STRIP2: variants seen among roughly 807,000 people sequenced by gnomAD.
STRIP2 encodes the protein striatin interacting protein 2.
A neutral mutation model predicts 107.1 loss-of-function variants in STRIP2; 84 were observed. The ratio of observed to expected loss-of-function variants is 0.78; its 90% CI spans 0.66 to 0.94. The LOEUF is 0.94. STRIP2 is among the 40% of genes least tolerant of loss of function. STRIP2 has a pLI of 0.00. For synonymous variants in STRIP2, 394 were observed against 400.4 expected, an observed-to-expected ratio of 0.98 and a Z score of 0.19; for missense variants, 888 against 1,034.2, an observed-to-expected ratio of 0.86 and a Z score of 1.94.
rs1445643370 is a variant in STRIP2, at chr7:129,486,799, C to T, written c.*970C>T. On this transcript the variant is annotated 3_prime_UTR_variant, in exon 21 of 21. Transcript: ENST00000249344. The stretch of plus-strand genomic sequence containing the variant: ...CAGTGTTGATTAATGATTTTTTTCC[C>T]GTTTATTGCTAGCAGTTTCAAAGTG... 3 of 151,974 alleles carry T rather than the reference C, an allele frequency of 2.0e-5. No individual in the cohort carries two copies. Among genetic ancestry groups the T allele is most frequent in the Admixed American group, 6.6e-5 (1 of 15,266 alleles). 9.4% of individuals were successfully genotyped at this position (151,974 alleles called of 1,614,324 possible). A position where few individuals can be genotyped will look rare whatever the true frequency, so the allele number is the denominator to read the frequency against.
rs1798527501 is a variant in STRIP2, at chr7:129,461,320, T to G, written c.1476+948T>G. Among the ~76,000 whole-genome samples, 1 of 152,156 alleles carries G rather than the reference T, an allele frequency of 6.6e-6. No homozygotes were observed. Among genetic ancestry groups the G allele is most frequent in the Non-Finnish European group, 1.5e-5 (1 of 68,028 alleles). On this transcript the variant is annotated intron_variant, in intron 13 of 20. Transcript: ENST00000249344. The surrounding 1 kb of genome is among the most constrained non-coding windows in gnomAD (Gnocchi z 4.0). ...TAGAATTCTACAGAGAGGGCTGACT[T>G]TGAGAAATAAATTCGGGAGTTGTTT...
At chr7:129,473,362 T>C (rs1330408423) in intron 18 of STRIP2, among the ~76,000 whole-genome samples, 3 of 152,174 alleles carry the variant, frequency 2.0e-5, no homozygotes, top group Non-Finnish European at 1.5e-5. Flanking sequence ...AGAGGACAAT[T>C]TTTTTCTTTC....
At position 129,486,729 on chromosome 7, in the gene STRIP2, A is replaced by G. The variant is rs1399593135; in HGVS notation, c.*900A>G. 6.6e-6 allele frequency: 1 copy of G among 152,148 alleles called. No homozygotes were observed. Among genetic ancestry groups the G allele is most frequent in the Non-Finnish European group, 1.5e-5 (1 of 68,028 alleles). The allele number at this position is 152,148 out of a possible 1,614,324, so 9.4% of individuals were successfully genotyped here. ...GTGGTCGTGATCAATATATTTTTCT[A>G]ATTGAAAAGTAAAAGCATCACAGCT... is the stretch of plus-strand genomic sequence containing the variant. On this transcript the variant is annotated 3_prime_UTR_variant, in exon 21 of 21. Coordinates refer to ENST00000249344, the MANE Select transcript of STRIP2 (RefSeq NM_020704.3).
intron 1 of STRIP2, among the ~76,000 whole-genome samples, chr7:129,436,005 T>G (rs906288944): frequency 5.3e-5 from 8 of 152,002 alleles, no homozygotes; most frequent in African/African-American, 9.7e-5. Context: ...GGCAGAGAGC[T>G]CAGCCCTCCT....
chr7:129,472,775 C>CTTTTTTTTTTTTT lies in STRIP2; in HGVS notation c.1944+2060_1944+2061insTTTTTTTTTTTTT, dbSNP rs1491462474. 1.4e-3 allele frequency among the ~76,000 whole-genome samples: 94 copies of CTTTTTTTTTTTTT among 68,908 alleles called. 31 individuals carry two copies. The highest frequency in any genetic ancestry group is 3.4e-3 in the African/African-American group (55 of 16,248). The allele number at this position is 68,908 out of a possible 152,430, so 45.2% of individuals were successfully genotyped here. On this transcript the variant is annotated intron_variant, in intron 18 of 20. Transcript: ENST00000249344. Reference sequence around the variant, plus strand: ...AATATATAGAATTTTCTTTTCTTTTCCTTTTTTTTTTTTTTTTTTTTTTTT... The same window carrying CTTTTTTTTTTTTT: ...AATATATAGAATTTTCTTTTCTTTTCTTTTTTTTTTTTTCTTTTTTTTTTTTTTTTTTTTTTTT...
intron 18 of STRIP2, among the ~76,000 whole-genome samples, chr7:129,475,559 T>TC (rs1798897972): frequency 1.6e-5 from 2 of 121,414 alleles, no homozygotes; most frequent in Admixed American, 8.8e-5. Flanking sequence ...TTTTCTTTTT[T>TC]TTTTTTTTCT....
At chr7:129,485,479 C>G in intron 20 of STRIP2, 100 bp from the exon 21 acceptor site, 84 of 1,032,372 alleles carry the variant, frequency 8.1e-5, no homozygotes, top group Non-Finnish European at 1.1e-4. Flanking sequence ...AAAAGAATTT[C>G]TGAGCAGTTC....
chr7:129,470,577 C>T (rs1248660620), intron 17 of STRIP2, 72 bp from the exon 18 acceptor site: 3 of 1,262,314 alleles, frequency 2.4e-6, no homozygotes, highest in African/African-American at 1.5e-5. Context: ...ATAACTCCTG[C>T]CCTTTCCAGA....
rs1167955105 is a variant in STRIP2 at position 129,454,474 on chromosome 7, A to G, written c.653A>G (p.Glu218Gly). The G allele has an allele frequency of 5.6e-6, 9 of 1,614,080 alleles. No homozygotes were observed. In the Admixed American group the frequency reaches 1.0e-4, roughly 18 times the overall value. ...GTGGAAAATATTCGCCTGGAGCGAG[A>G]GACAGACCCCTGTGGGTGGAGAACA... ...LMVENIRLER[E>G]TDPCGWRTAR... Residue 218 changes from glutamate to glycine, a missense_variant, in exon 7 of 21, where the codon GAG (glutamate) becomes GGG (glycine). By Grantham distance (98) the Glu-to-Gly change is moderately conservative. Coordinates refer to ENST00000249344, the MANE Select transcript of STRIP2 (RefSeq NM_020704.3).
At chr7:129,478,371 G>T (rs1022377307) in intron 18 of STRIP2, among the ~76,000 whole-genome samples, 6 of 152,060 alleles carry the variant, frequency 3.9e-5, no homozygotes. Flanking sequence ...TTAGCTGGGT[G>T]TGGTGGCGGG....
At chr7:129,470,611 A>G (rs142206569) in intron 17 of STRIP2, 38 bp from the exon 18 acceptor site, 52,982 of 1,557,446 alleles carry the variant, frequency 0.034, 1,239 homozygotes, top group Non-Finnish European at 0.037. Flanking sequence ...TGCTGTTGCC[A>G]TTTACCTAAA....
chr7:129,481,003 G>A (rs1799103192), intron 19 of STRIP2, 114 bp downstream of exon 19: 4 of 705,254 alleles, frequency 5.7e-6, no homozygotes, highest in Non-Finnish European at 7.2e-6. Flanking sequence ...GACACTGAAT[G>A]CTACATAAGA....
intron 1 of STRIP2, among the ~76,000 whole-genome samples, chr7:129,436,205 T>C (rs571956151): frequency 3.3e-5 from 5 of 152,334 alleles, no homozygotes; most frequent in African/African-American, 9.6e-5. Context: ...CTGTTTTAGG[T>C]GCCAGGGATA....
At chr7:129,465,982 G>A (rs1486053544) in intron 16 of STRIP2, among the ~76,000 whole-genome samples, 6 of 152,180 alleles carry the variant, frequency 3.9e-5, no homozygotes, top group Non-Finnish European at 7.3e-5. Flanking sequence ...TCATACATTC[G>A]AAGACATCTT....
chr7:129,456,203 A>G (rs555421131), intron 8 of STRIP2, among the ~76,000 whole-genome samples: 148 of 123,166 alleles, frequency 1.2e-3, no homozygotes, highest in Admixed American at 6.7e-3. Flanking sequence ...AAATTCTGTG[A>G]TATTTCCCAT....
chr7:129,464,215 CTTGTTAACACTTACAGAGA>C (rs1328619981), intron 15 of STRIP2, 74 bp downstream of exon 15: 1 of 1,072,862 alleles, frequency 9.3e-7, no homozygotes, highest in Non-Finnish European at 1.4e-6. Context: ...CCCCACTCAC[CTTGTTAACACTTACAGAGA>C]TTGTCTCCAA....
In STRIP2 at chr7:129,485,601, C is replaced by T; in HGVS notation, c.2277C>T (p.Asp759=). 4 of 1,613,910 alleles carry T rather than the reference C, an allele frequency of 2.5e-6. No individual in the cohort carries two copies. The highest frequency in any genetic ancestry group is 3.4e-6 in the Non-Finnish European group (4 of 1,180,006). The change falls in exon 21 of 21, where the codon GAC becomes GAT. Residue 759 remains aspartate, a synonymous_variant. Transcript: ENST00000249344. ...CAGACATCGATGCCAGACCATGGGA[C>T]TTCCAAGCAGAAGAATGTACCTTGA... ...YGNDIDARPW[D]FQAEECTLRA...
chr7:129,471,391 G>A (rs766109905), intron 18 of STRIP2, among the ~76,000 whole-genome samples: 17 of 152,098 alleles, frequency 1.1e-4, no homozygotes, highest in Admixed American at 2.0e-4. Flanking sequence ...TTATGCATTT[G>A]TGTCTGTTTC....
intron 16 of STRIP2, among the ~76,000 whole-genome samples, chr7:129,466,777 C>T (rs1440836148): frequency 3.3e-5 from 5 of 152,200 alleles, no homozygotes; most frequent in Non-Finnish European, 7.3e-5. Flanking sequence ...TTTATTAAAA[C>T]ATTTACTAAT....
Sources: allele counts gnomAD v4.1 joint callset (sites outside exome capture counted in the v4.1 genomes callset), GRCh38; gene constraint gnomAD v4.1.1; non-coding constraint Gnocchi (gnomAD v3.1); transcripts MANE v1.5; gene names NCBI Gene and HGNC (gene_info 2026-07-23, HGNC 2026-07-21).